Variants in FAM81A observed in about 807,000 individuals in gnomAD.
FAM81A encodes family with sequence similarity 81 member A, also known as protein FAM81A.
FAM81A carries 19 observed loss-of-function variants against 46.7 expected under a neutral mutation model. That is an observed-to-expected ratio of 0.41 (90% CI 0.28 to 0.60). The LOEUF is 0.60. FAM81A is among the 20% of genes least tolerant of loss of function. FAM81A has a pLI of 0.34. For synonymous variants in FAM81A, 183 were observed against 152.9 expected, an observed-to-expected ratio of 1.20 and a Z score of -1.45; for missense variants, 377 against 453.5, an observed-to-expected ratio of 0.83 and a Z score of 1.53.
At chr15:59,402,698 G>C (rs1222551790) in intron 2 of FAM81A, among the ~76,000 whole-genome samples, 10 of 132,316 alleles carry the variant, frequency 7.6e-5, no homozygotes, top group Non-Finnish European at 4.6e-5. Context: ...GTCCCAACAA[G>C]CCTGGATATT....
chr15:59,503,110 T>G (rs1213783406), intron 4 of FAM81A, among the ~76,000 whole-genome samples: 2 of 151,412 alleles, frequency 1.3e-5, no homozygotes, highest in Non-Finnish European at 2.9e-5. Context: ...GGCCTGGTAG[T>G]GGGTGCCTGT....
intron 8 of FAM81A, among the ~76,000 whole-genome samples, chr15:59,517,372 T>A (rs2082278623): frequency 6.6e-6 from 1 of 152,190 alleles, no homozygotes; most frequent in East Asian, 1.9e-4. Flanking sequence ...AATACAGAAC[T>A]GTGACCACTA....
At chr15:59,480,728 A>G (rs548465280) in intron 3 of FAM81A, among the ~76,000 whole-genome samples, 2 of 152,310 alleles carry the variant, frequency 1.3e-5, no homozygotes, top group East Asian at 1.9e-4. Context: ...TGAATTGAAA[A>G]TAATGGAGAA....
At chr15:59,400,744 C>A (rs1183139420) in intron 1 of FAM81A, among the ~76,000 whole-genome samples, 1 of 152,220 alleles carries the variant, frequency 6.6e-6, no homozygotes, top group East Asian at 1.9e-4. Flanking sequence ...GAATCCCAGT[C>A]TCTTTCTGTT....
chr15:59,482,847 A>G (rs2081871052), intron 3 of FAM81A, among the ~76,000 whole-genome samples: 1 of 152,196 alleles, frequency 6.6e-6, no homozygotes, highest in African/African-American at 2.4e-5. Flanking sequence ...CCTTCTCATC[A>G]GTGGGAGAGT....
intron 2 of FAM81A, among the ~76,000 whole-genome samples, chr15:59,432,668 T>C (rs1422704983): frequency 6.6e-6 from 1 of 152,122 alleles, no homozygotes; most frequent in African/African-American, 2.4e-5. Context: ...ATTCATAAGC[T>C]GTTGCAAAAA....
intron 4 of FAM81A, among the ~76,000 whole-genome samples, chr15:59,497,821 A>C (rs2082049925): frequency 6.6e-6 from 1 of 152,172 alleles, no homozygotes; most frequent in African/African-American, 2.4e-5. Context: ...ACAGAGCAAG[A>C]CCCTGTTTCA....
chr15:59,491,416 C>T (rs2081979785), intron 3 of FAM81A, among the ~76,000 whole-genome samples: 1 of 150,516 alleles, frequency 6.6e-6, no homozygotes, highest in Admixed American at 6.7e-5. Context: ...TTACCAGAGG[C>T]TGAGAAGGAT....
intron 5 of FAM81A, among the ~76,000 whole-genome samples, chr15:59,507,741 C>A (rs376766125): frequency 6.6e-6 from 1 of 152,232 alleles, no homozygotes; most frequent in Non-Finnish European, 1.5e-5. Flanking sequence ...TGTACTACCT[C>A]ATCACATAGT....
intron 2 of FAM81A, among the ~76,000 whole-genome samples, chr15:59,424,922 G>GT (rs1277592875): frequency 2.0e-5 from 3 of 152,198 alleles, no homozygotes; most frequent in Non-Finnish European, 4.4e-5. Flanking sequence ...AATCAGATCA[G>GT]TTACTCCTCT....
intron 4 of FAM81A, among the ~76,000 whole-genome samples, chr15:59,504,768 G>C (rs920998207): frequency 6.6e-6 from 1 of 152,114 alleles, no homozygotes; most frequent in South Asian, 2.1e-4. Context: ...CTTAGAAGAT[G>C]TTTCTCCATT....
intron 2 of FAM81A, 22 bp from the exon 3 acceptor site, chr15:59,459,911 C>G (rs772562123): frequency 2.6e-6 from 4 of 1,559,700 alleles, no homozygotes; most frequent in African/African-American, 1.4e-5. Flanking sequence ...CAATTAACAA[C>G]CCTCATGGTT....
intron 3 of FAM81A, among the ~76,000 whole-genome samples, chr15:59,481,232 A>G (rs1182363622): frequency 6.6e-6 from 1 of 152,166 alleles, no homozygotes; most frequent in Non-Finnish European, 1.5e-5. Flanking sequence ...TCCTGGGCTC[A>G]GGCAATCCTC....
At chr15:59,481,117 C>T (rs2081844594) in intron 3 of FAM81A, among the ~76,000 whole-genome samples, 1 of 152,030 alleles carries the variant, frequency 6.6e-6, no homozygotes, top group Non-Finnish European at 1.5e-5. Context: ...GCCTCAGCCT[C>T]CCGAATAGCT....
chr15:59,434,254 T>C (rs1596468584), upstream of FAM81A, among the ~76,000 whole-genome samples: 1 of 152,222 alleles, frequency 6.6e-6, no homozygotes, highest in South Asian at 2.1e-4. Context: ...CATTGTGCTC[T>C]CCTTGTCTGC....
chr15:59,517,256 C>G (rs1346693880), intron 8 of FAM81A, among the ~76,000 whole-genome samples: 2 of 152,164 alleles, frequency 1.3e-5, no homozygotes, highest in Non-Finnish European at 2.9e-5. Flanking sequence ...GGCAGGTCAG[C>G]AGGGCGCATT....
chr15:59,442,731 C>G (rs1467979363), intron 1 of FAM81A, among the ~76,000 whole-genome samples: 2 of 151,922 alleles, frequency 1.3e-5, no homozygotes, highest in African/African-American at 4.8e-5. Flanking sequence ...TTTTACCACA[C>G]TTGTTTTACC....
chr15:59,402,196 C>T (rs562793969), intron 1 of FAM81A: 13 of 194,356 alleles, frequency 6.7e-5, no homozygotes, highest in South Asian at 1.1e-4. Context: ...ACTGATCAGC[C>T]GTGGATAATG....
At chr15:59,423,467 C>T (rs7164726) in intron 2 of FAM81A, among the ~76,000 whole-genome samples, 31,194 of 152,090 alleles carry the variant, frequency 0.21, 4,216 homozygotes, top group East Asian at 0.42. Flanking sequence ...GCAAACTTTT[C>T]CCAAGGTCAC....
Sources: gnomAD v4.1 joint callset for allele counts (sites outside exome capture counted in the v4.1 genomes callset) on GRCh38, gnomAD v4.1.1 for gene constraint, MANE v1.5 for transcripts, NCBI Gene and HGNC (gene_info 2026-07-23, HGNC 2026-07-21) for gene names.